RBFOX1: variants seen among roughly 807,000 people sequenced by gnomAD.
RBFOX1 encodes RNA binding protein fox-1 homolog 1.
In RBFOX1, 8 loss-of-function variants were observed where a neutral mutation model predicts 57.7. The observed-to-expected ratio is 0.14, with a 90% confidence interval of 0.08 to 0.25. The LOEUF is 0.25. Ranked by LOEUF, RBFOX1 falls within the 10% of genes least tolerant of loss-of-function variation. RBFOX1 has a pLI of 1.00. For synonymous variants in RBFOX1, 326 were observed against 222.4 expected (o/e 1.47, Z -4.15); for missense variants, 611 against 548.5 (o/e 1.11, Z -1.14).
intron 3 of RBFOX1, among the ~76,000 whole-genome samples, chr16:6,751,744 A>G (rs1568460709): frequency 6.6e-6 from 1 of 152,084 alleles, no homozygotes; most frequent in Non-Finnish European, 1.5e-5. Context: ...CAGGAATTGA[A>G]CCTGCGTTGT....
intron 1 of RBFOX1, among the ~76,000 whole-genome samples, chr16:6,115,684 C>T (rs770969243): frequency 3.3e-5 from 5 of 152,054 alleles, no homozygotes; most frequent in African/African-American, 7.2e-5. Flanking sequence ...TGTTGTGGGC[C>T]GAACAGTCTT....
chr16:6,946,402 C>G (rs1381585368), intron 3 of RBFOX1, among the ~76,000 whole-genome samples: 2 of 152,194 alleles, frequency 1.3e-5, no homozygotes, highest in East Asian at 1.9e-4. Flanking sequence ...AAAGCAAGCT[C>G]TACGCTTATT....
At chr16:5,314,731 A>T (rs1473551309) in intron 1 of RBFOX1, among the ~76,000 whole-genome samples, 2 of 151,060 alleles carry the variant, frequency 1.3e-5, no homozygotes, top group African/African-American at 4.9e-5. Context: ...GAACTTCTAG[A>T]CTCAAGCAAT....
intron 3 of RBFOX1, among the ~76,000 whole-genome samples, chr16:6,689,148 T>C (rs891018821): frequency 9.2e-5 from 14 of 152,220 alleles, no homozygotes; most frequent in Non-Finnish European, 1.8e-4. Context: ...TATGGGTATA[T>C]ACCCAGTAAT....
rs529887475 is a variant in RBFOX1, at chr16:7,168,849, A to C, written c.27+116751A>C. Among the ~76,000 whole-genome samples, 17 of 152,316 alleles carry C rather than the reference A, an allele frequency of 1.1e-4. No individual in the cohort carries two copies. The South Asian group carries it at 3.5e-3, about 32-fold the overall frequency. On this transcript the variant is annotated intron_variant, in intron 4 of 15. Transcript: ENST00000550418. ...ATGCAGTCTTCATTCTCCTGACATG[A>C]ACAAATATACTTTCAAATAGGAGGA...
chr16:5,678,994 C>A (rs1300896676), intron 3 of RBFOX1, among the ~76,000 whole-genome samples: 1 of 152,138 alleles, frequency 6.6e-6, no homozygotes, highest in South Asian at 2.1e-4. Context: ...GGATGGAAGG[C>A]TAAGATGCAA....
chr16:6,767,938 T>TAAGAAGAAGAAGAAG (rs1450877589), intron 3 of RBFOX1, among the ~76,000 whole-genome samples: 63 of 84,780 alleles, frequency 7.4e-4, no homozygotes, highest in East Asian at 5.3e-3. Flanking sequence ...ATAATAATAA[T>TAAGAAGAAGAAGAAG]AATAATAATA....
chr16:7,420,857 A>G (rs1191664384), intron 4 of RBFOX1, among the ~76,000 whole-genome samples: 1 of 148,542 alleles, frequency 6.7e-6, no homozygotes. Context: ...GTCAGCATGC[A>G]CTTTCAAATC....
chr16:6,326,809 G>A (rs1365732976), intron 2 of RBFOX1, among the ~76,000 whole-genome samples: 1 of 152,124 alleles, frequency 6.6e-6, no homozygotes, highest in African/African-American at 2.4e-5. Flanking sequence ...GAGGACACAC[G>A]ACTGCCTTCA....
At position 5,487,171 on chromosome 16, in the gene RBFOX1, T is replaced by C. The variant is rs76516297; in HGVS notation, c.258+19917T>C. On this transcript the variant is annotated intron_variant, in intron 2 of 2. Coordinates refer to the RBFOX1 transcript ENST00000585867. ...CTGTGCTATCCAAGCTCCTTGTGTT[T>C]TTCTTCCTGGGACCCATTATAGGTG... 1.3e-3 allele frequency among the ~76,000 whole-genome samples: 191 copies of C among 152,320 alleles called. 1 individual carries two copies. The highest frequency in any genetic ancestry group is 4.3e-3 in the African/African-American group (180 of 41,570).
intron 2 of RBFOX1, among the ~76,000 whole-genome samples, chr16:5,518,657 C>T (rs1239470114): frequency 2.0e-5 from 3 of 152,196 alleles, no homozygotes; most frequent in African/African-American, 7.2e-5. Flanking sequence ...TTAGTGGGTT[C>T]TGGTTCTACC....
chr16:5,662,048 A>G (rs1359142550), intron 3 of RBFOX1, among the ~76,000 whole-genome samples: 6 of 152,076 alleles, frequency 3.9e-5, no homozygotes, highest in Non-Finnish European at 8.8e-5. Flanking sequence ...GGCCTCCCAA[A>G]GTGCTGGGAT....
intron 4 of RBFOX1, among the ~76,000 whole-genome samples, chr16:7,476,036 G>A (rs1371339141): frequency 6.6e-6 from 1 of 151,648 alleles, no homozygotes; most frequent in African/African-American, 2.4e-5. Flanking sequence ...TTCGATCATG[G>A]CTCACTGCAG....
chr16:5,484,111 C>T (rs1257741149), intron 2 of RBFOX1, among the ~76,000 whole-genome samples: 3 of 152,210 alleles, frequency 2.0e-5, no homozygotes, highest in Admixed American at 6.5e-5. Flanking sequence ...GTTGAGGCCG[C>T]AGTGAGCTGT....
chr16:7,668,577 C>G (rs2070234474), intron 13 of RBFOX1, among the ~76,000 whole-genome samples: 1 of 152,074 alleles, frequency 6.6e-6, no homozygotes, highest in Admixed American at 6.6e-5. Context: ...GTTGGCTACT[C>G]ATCGGAGGTG....
At chr16:6,812,406 T>C (rs1455616587) in intron 3 of RBFOX1, among the ~76,000 whole-genome samples, 1 of 152,082 alleles carries the variant, frequency 6.6e-6, no homozygotes, top group African/African-American at 2.4e-5. Flanking sequence ...GGAGTCTGGG[T>C]CTTGTCACCC....
intron 3 of RBFOX1, among the ~76,000 whole-genome samples, chr16:5,660,085 A>T (rs2049595213): frequency 6.6e-6 from 1 of 152,226 alleles, no homozygotes. Flanking sequence ...CAAGGCGCAT[A>T]AAACAGTTAA....
At chr16:6,233,052 C>G (rs1373882252) in intron 1 of RBFOX1, among the ~76,000 whole-genome samples, 1 of 152,132 alleles carries the variant, frequency 6.6e-6, no homozygotes. Context: ...GGCCCCGATA[C>G]AGATCTAACA....
intron 3 of RBFOX1, among the ~76,000 whole-genome samples, chr16:7,008,616 C>T (rs534450341): frequency 1.1e-4 from 14 of 126,018 alleles, no homozygotes; most frequent in East Asian, 2.8e-4. Context: ...AAATGAAATT[C>T]CCTCCCTCCC....
Sources: gnomAD v4.1 joint callset for allele counts (sites outside exome capture counted in the v4.1 genomes callset) on GRCh38, gnomAD v4.1.1 for gene constraint, MANE v1.5 for transcripts, NCBI Gene and HGNC (gene_info 2026-07-23, HGNC 2026-07-21) for gene names.